C2CD3: variants seen among roughly 807,000 people sequenced by gnomAD.
C2CD3 encodes C2 domain containing 3 centriole elongation regulator.
C2CD3 carries 148 observed loss-of-function variants against 234.0 expected under a neutral mutation model. The ratio of observed to expected loss-of-function variants is 0.63; its 90% confidence interval spans 0.55 to 0.72. The LOEUF (loss-of-function observed/expected upper bound fraction) is 0.72, where lower values mean the gene tolerates loss of function less well. Among genes scored for constraint, C2CD3 ranks in the 30% least tolerant of loss-of-function variants. The probability of loss-of-function intolerance (pLI) is 0.00; values close to 1 mark genes in which losing one functional copy is unlikely to be tolerated. For missense variants in C2CD3, 2,577 were observed against 2,811.5 expected (o/e 0.92, Z 1.89); for synonymous variants, 1,000 against 1,035.4 (o/e 0.97, Z 0.66).
At position 74,013,124 on chromosome 11, in the gene C2CD3, G is replaced by A; in HGVS notation, c.*261C>T. On this transcript the variant is annotated 3_prime_UTR_variant, in exon 33 of 33. Transcript: ENST00000334126. ...AGATGCCTGCTTGGGTCCCACTTGG[G>A]CGCGGATTCCATTTTATTTCTAGCC... 4.2e-6 allele frequency: 1 copy of A among 239,238 alleles called. No individual in the cohort carries two copies. Among genetic ancestry groups the A allele is most frequent in the Admixed American group, 5.7e-5 (1 of 17,688 alleles). 14.8% of individuals were successfully genotyped at this position (239,238 alleles called of 1,614,324 possible).
intron 21 of C2CD3, 136 bp from the exon 22 acceptor site, chr11:74,085,106 T>A: frequency 1.8e-6 from 1 of 546,302 alleles, no homozygotes; most frequent in Non-Finnish European, 3.2e-6. Context: ...ATTATCTTGC[T>A]CTTGCTCATG....
intron 2 of C2CD3, among the ~76,000 whole-genome samples, chr11:74,165,716 T>G (rs1215942646): frequency 6.6e-6 from 1 of 152,102 alleles, no homozygotes; most frequent in Non-Finnish European, 1.5e-5. Flanking sequence ...TACAGCGGCA[T>G]GAACATGGCT....
At chr11:74,043,078 A>G (rs547363933) in intron 28 of C2CD3, among the ~76,000 whole-genome samples, 33 of 152,224 alleles carry the variant, frequency 2.2e-4, no homozygotes, top group Non-Finnish European at 4.0e-4. Context: ...GCAGTTACGT[A>G]ACTGTTACCA....
chr11:74,097,645 A>G (rs891803252), intron 16 of C2CD3, among the ~76,000 whole-genome samples: 2 of 152,252 alleles, frequency 1.3e-5, no homozygotes, highest in Admixed American at 6.5e-5. Context: ...GCACTTCACA[A>G]TGACTTTCCA....
intron 9 of C2CD3, among the ~76,000 whole-genome samples, chr11:74,114,991 C>T (rs1956875990): frequency 6.6e-6 from 1 of 151,962 alleles, no homozygotes; most frequent in Admixed American, 6.6e-5. Context: ...TGTGAACAAC[C>T]ACACCCAGCC....
intron 3 of C2CD3, among the ~76,000 whole-genome samples, chr11:74,160,553 A>T (rs1314241065): frequency 6.6e-6 from 1 of 152,160 alleles, no homozygotes; most frequent in Non-Finnish European, 1.5e-5. Context: ...ATCTCATACA[A>T]GTAGAGCAGA....
intron 24 of C2CD3, among the ~76,000 whole-genome samples, chr11:74,071,877 A>G (rs1040350535): frequency 1.8e-4 from 27 of 152,182 alleles, no homozygotes; most frequent in African/African-American, 6.0e-4. Flanking sequence ...AATTTTGCCA[A>G]GTGATATTAT....
chr11:74,124,053 G>C (rs1222218637), intron 7 of C2CD3, among the ~76,000 whole-genome samples: 2 of 151,892 alleles, frequency 1.3e-5, no homozygotes, highest in Non-Finnish European at 2.9e-5. Flanking sequence ...TTTCTTTCAG[G>C]TCCTTGTATA....
intron 31 of C2CD3, 92 bp downstream of exon 31, chr11:74,033,259 G>A (rs1952594754): frequency 5.9e-6 from 6 of 1,025,156 alleles, no homozygotes; most frequent in South Asian, 4.8e-5. Flanking sequence ...GCCCCCTAGT[G>A]CATTCCATGA....
chr11:74,029,467 G>A (rs1250671053), intron 31 of C2CD3, among the ~76,000 whole-genome samples: 1 of 152,184 alleles, frequency 6.6e-6, no homozygotes. Context: ...TCTTGCTTTG[G>A]TTCAAGTCCC....
At chr11:74,095,176 A>G in intron 17 of C2CD3, 52 bp downstream of exon 17, 1 of 1,259,678 alleles carries the variant, frequency 7.9e-7, no homozygotes, top group Non-Finnish European at 1.1e-6. Flanking sequence ...TCTTAAGTAT[A>G]ATCTAATAAA....
Position 74,170,921 on chromosome 11 carries a change from G to C in C2CD3, c.-129C>G. The C allele has an allele frequency of 6.6e-5, 76 of 1,150,522 alleles. No homozygotes were observed. The highest frequency in any genetic ancestry group is 3.1e-4 in the East Asian group (7 of 22,712). 71.3% of individuals were successfully genotyped at this position (1,150,522 alleles called of 1,614,324 possible). A position where few individuals can be genotyped will look rare whatever the true frequency, so the allele number is the denominator to read the frequency against. ...CGCCGCTGGGCAGCCTGGGAGGCAG[G>C]AAAAAGCGACTCTTCCTCTAACAGT... On this transcript the variant is annotated 5_prime_UTR_variant, in exon 1 of 33. Transcript: ENST00000334126.
chr11:74,013,510 TGG>T lies in C2CD3; in HGVS notation c.6935_6936del (p.Ala2312AspfsTer15). 1.5e-6 allele frequency: 2 copies of T among 1,369,292 alleles called. No individual in the cohort carries two copies. Among genetic ancestry groups the T allele is most frequent in the Non-Finnish European group, 1.9e-6 (2 of 1,065,476 alleles). The allele number at this position is 1,369,292 out of a possible 1,614,324, so 84.8% of individuals were successfully genotyped here. A position where few individuals can be genotyped will look rare whatever the true frequency, so the allele number is the denominator to read the frequency against. On this transcript the variant is annotated frameshift_variant, in exon 33 of 33. Transcript: ENST00000334126. LOFTEE classifies it high-confidence loss of function. ...AATTDQDKSE[A>X]TRGALSQRPC... ...GGCCTTTGGGAGAGAGCTCCCCTGG[TGG>T]CTTCGCTCTTGTCCTGGAGAGGAAG... is the stretch of plus-strand genomic sequence containing the variant.
chr11:74,100,487 G>T lies in C2CD3; in HGVS notation c.2732+38C>A, dbSNP rs373151062. On this transcript the variant is annotated intron_variant, in intron 15 of 32. Transcript: ENST00000334126. ...CCTTTTCAGTCCATGCAAAGTTAAA[G>T]ATGCACAATAAAGAATACTCCAAAA... 1.3e-5 allele frequency: 21 copies of T among 1,555,606 alleles called. No homozygotes were observed. The African/African-American group carries it at 2.5e-4, about 18-fold the overall frequency.
At chr11:74,142,597 G>A (rs1329655580) in intron 3 of C2CD3, among the ~76,000 whole-genome samples, 1 of 152,122 alleles carries the variant, frequency 6.6e-6, no homozygotes, top group East Asian at 1.9e-4. Context: ...GGTGAGGAAG[G>A]AGTGCCAGGG....
intron 21 of C2CD3, among the ~76,000 whole-genome samples, chr11:74,085,308 T>C (rs2135475216): frequency 6.6e-6 from 1 of 152,190 alleles, no homozygotes; most frequent in African/African-American, 2.4e-5. Flanking sequence ...AGCCCATTTT[T>C]TAAATTAAAT....
At chr11:74,035,986 A>G (rs1481875603) in intron 30 of C2CD3, 1 of 156,412 alleles carries the variant, frequency 6.4e-6, no homozygotes, top group Admixed American at 6.2e-5. Flanking sequence ...CAGACTCCCA[A>G]GTAGCTGGGA....
rs1956004066 is a variant in C2CD3, at chr11:74,093,948, G to A, written c.3212C>T (p.Pro1071Leu). 1.2e-6 allele frequency: 2 copies of A among 1,614,040 alleles called. No homozygotes were observed. The highest frequency in any genetic ancestry group is 2.2e-5 in the East Asian group (1 of 44,876). ...GTGATGGTGTTCACTATTAAAGATG[G>A]GATCTGGAACACAGAGTGTGGTTGC... ...RTATTLCVPD[P>L]IFNSEHHHSL... Residue 1071 changes from proline to leucine, a missense_variant, in exon 18 of 33, where the codon CCC (proline) becomes CTC (leucine). Coordinates refer to ENST00000334126, the MANE Select transcript of C2CD3 (RefSeq NM_001286577.2).
intron 28 of C2CD3, among the ~76,000 whole-genome samples, chr11:74,047,316 T>C (rs1953429535): frequency 6.6e-6 from 1 of 152,224 alleles, no homozygotes; most frequent in Non-Finnish European, 1.5e-5. Context: ...AGGCAAGCCA[T>C]TAACCTTTTA....
Sources: allele counts gnomAD v4.1 joint callset (sites outside exome capture counted in the v4.1 genomes callset), GRCh38; gene constraint gnomAD v4.1.1; transcripts MANE v1.5; gene names NCBI Gene and HGNC (gene_info 2026-07-23, HGNC 2026-07-21).